The following SSU72 variants were observed in gnomAD, a reference collection of about 807,000 sequenced individuals.
SSU72 encodes the protein SSU72 homolog, RNA polymerase II CTD phosphatase.
In SSU72, 12 loss-of-function variants were observed where a neutral mutation model predicts 22.7. The ratio of observed to expected loss-of-function variants is 0.53; its 90% confidence interval spans 0.34 to 0.86. The LOEUF (loss-of-function observed/expected upper bound fraction) is 0.86. SSU72 is among the 40% of genes least tolerant of loss of function. The pLI, the probability that SSU72 is intolerant of heterozygous loss-of-function variation, is 0.02. For missense variants in SSU72, 151 were observed against 249.8 expected, an observed-to-expected ratio of 0.60 and a Z score of 2.67; for synonymous variants, 116 against 98.3, an observed-to-expected ratio of 1.18 and a Z score of -1.06.
chr1:1,541,899 T>C lies in SSU72; in HGVS notation c.*167A>G, dbSNP rs189662869. On this transcript the variant is annotated 3_prime_UTR_variant, in exon 5 of 5. Transcript: ENST00000291386. ...TAAAAGTGGAAAAGAAGAAACTTGA[T>C]TGCTTTCATCTGGCGTTTTGGCATC... 4 of 603,730 alleles carry C rather than the reference T, an allele frequency of 6.6e-6. No individual in the cohort carries two copies. Among genetic ancestry groups the C allele is most frequent in the Admixed American group, 6.2e-5 (2 of 32,396 alleles). 37.4% of individuals were successfully genotyped at this position (603,730 alleles called of 1,614,324 possible).
intron 4 of SSU72, among the ~76,000 whole-genome samples, chr1:1,543,274 C>T (rs2100702754): frequency 6.6e-6 from 1 of 152,350 alleles, no homozygotes; most frequent in South Asian, 2.1e-4. Flanking sequence ...CCTTGGCAGC[C>T]TCCAGGCTCA....
rs190655198 is a variant in SSU72 at position 1,569,152 on chromosome 1, C to T, written c.81-4236G>A. On this transcript the variant is annotated intron_variant, in intron 1 of 4. Transcript: ENST00000291386. ...TCTTGCCACTGCACTCCAGCCTGGG[C>T]GACAGAATGAGACTCCGTCTCAAAA... is the stretch of plus-strand genomic sequence containing the variant. Among the ~76,000 whole-genome samples the T allele has an allele frequency of 2.2e-3, 330 of 150,972 alleles. 2 individuals are homozygous for T. Among genetic ancestry groups the T allele is most frequent in the African/African-American group, 7.7e-3 (313 of 40,876 alleles).
intron 2 of SSU72, among the ~76,000 whole-genome samples, chr1:1,551,323 C>T (rs1239331552): frequency 6.6e-6 from 1 of 152,220 alleles, no homozygotes; most frequent in African/African-American, 2.4e-5. Context: ...TGGCCCACAG[C>T]TCTCCAGCCT....
intron 2 of SSU72, among the ~76,000 whole-genome samples, chr1:1,548,060 CAA>C (rs1471773207): frequency 6.6e-6 from 1 of 152,218 alleles, no homozygotes; most frequent in Non-Finnish European, 1.5e-5. Context: ...AAAAGTGGGC[CAA>C]GAGAGGGCCC....
rs187653040 is a variant in SSU72 at position 1,550,279 on chromosome 1, C to T, written c.225-5277G>A. The stretch of plus-strand genomic sequence containing the variant: ...AGCAGACAACCCCCGCCATCCTCCA[C>T]GCCAGCCCGGCTGGGGGTAGCTGGT... On this transcript the variant is annotated intron_variant, in intron 2 of 4. Transcript: ENST00000291386. Among the ~76,000 whole-genome samples, 379 of 152,258 alleles carry T rather than the reference C, an allele frequency of 2.5e-3. 4 individuals are homozygous for T. Among genetic ancestry groups the T allele is most frequent in the Non-Finnish European group, 4.0e-3 (269 of 68,014 alleles).
At chr1:1,574,415 C>CA in intron 1 of SSU72, 63 bp downstream of exon 1, 2 of 1,519,022 alleles carry the variant, frequency 1.3e-6, no homozygotes, top group Non-Finnish European at 1.8e-6. Flanking sequence ...CAGGGGGAAC[C>CA]GGGGAGGAGG....
chr1:1,550,322 C>T (rs1642441502), intron 2 of SSU72, among the ~76,000 whole-genome samples: 1 of 152,208 alleles, frequency 6.6e-6, no homozygotes, highest in Non-Finnish European at 1.5e-5. Flanking sequence ...AGGGGCCACC[C>T]TTCAGGGTTC....
chr1:1,555,629 C>T (rs112780033), intron 2 of SSU72, among the ~76,000 whole-genome samples: 1 of 152,226 alleles, frequency 6.6e-6, no homozygotes, highest in African/African-American at 2.4e-5. Flanking sequence ...CTCTGGGCTC[C>T]CGGGATGGAC....
At chr1:1,564,318 C>T (rs1642631504) in intron 2 of SSU72, 1 of 653,552 alleles carries the variant, frequency 1.5e-6, no homozygotes, top group African/African-American at 1.8e-5. Context: ...AAGCTCCGCC[C>T]TCTTCTTTAT....
chr1:1,552,332 T>G (rs956219549), intron 2 of SSU72, among the ~76,000 whole-genome samples: 5 of 152,224 alleles, frequency 3.3e-5, no homozygotes, highest in African/African-American at 1.2e-4. Flanking sequence ...CTGCACAGTT[T>G]CTGTGATCGT....
rs1319276242 is a variant in SSU72 at position 1,574,754 on chromosome 1, C to G, written c.-197G>C. On this transcript the variant is annotated 5_prime_UTR_variant, in exon 1 of 5. Transcript: ENST00000291386. The stretch of plus-strand genomic sequence containing the variant: ...CCGGGCCGCGGACGGAGCGCAGGCA[C>G]TGGCCTTCGGGCGCGCTGCACTCGG... 2 of 337,582 alleles carry G rather than the reference C, an allele frequency of 5.9e-6. No individual in the cohort carries two copies. The highest frequency in any genetic ancestry group is 5.1e-6 in the Non-Finnish European group (1 of 196,344). 20.9% of individuals were successfully genotyped at this position (337,582 alleles called of 1,614,324 possible). A position where few individuals can be genotyped will look rare whatever the true frequency, so the allele number is the denominator to read the frequency against.
In SSU72 at chr1:1,564,445, A is replaced by G. The variant is rs544392801; in HGVS notation, c.224+328T>C. On this transcript the variant is annotated intron_variant, in intron 2 of 4. Transcript: ENST00000291386. ...AAAGGAAATAACGGGGCAGCCCTGC[A>G]GTGTGAAAAGCAATGGGATTTTGTG... 108 of 1,463,278 alleles carry G rather than the reference A, an allele frequency of 7.4e-5. 1 individual carries two copies. Among genetic ancestry groups the G allele is most frequent in the African/African-American group, 1.6e-4 (11 of 70,642 alleles). 90.6% of individuals were successfully genotyped at this position (1,463,278 alleles called of 1,614,324 possible).
chr1:1,568,956 G>A (rs1261283884), intron 1 of SSU72, among the ~76,000 whole-genome samples: 1 of 152,078 alleles, frequency 6.6e-6, no homozygotes, highest in Non-Finnish European at 1.5e-5. Flanking sequence ...CAGATCACCT[G>A]AGGTCAGGAG....
intron 1 of SSU72, among the ~76,000 whole-genome samples, chr1:1,571,779 C>T (rs900054829): frequency 7.3e-6 from 1 of 137,216 alleles, no homozygotes; most frequent in Non-Finnish European, 1.5e-5. Flanking sequence ...ATTTTATTAA[C>T]AAGATAGCTA....
At chr1:1,572,250 AC>A (rs1193804220) in intron 1 of SSU72, among the ~76,000 whole-genome samples, 1 of 125,100 alleles carries the variant, frequency 8.0e-6, no homozygotes, top group Middle Eastern at 4.1e-3. Flanking sequence ...ACATGGTGAA[AC>A]CCCGTCTCTA....
At chr1:1,547,951 G>C (rs939212684) in intron 2 of SSU72, among the ~76,000 whole-genome samples, 2 of 152,214 alleles carry the variant, frequency 1.3e-5, no homozygotes, top group African/African-American at 4.8e-5. Context: ...CACAAAGAAA[G>C]AAACCAAAGA....
chr1:1,543,535 G>A (rs553082201), intron 4 of SSU72, among the ~76,000 whole-genome samples: 66 of 152,272 alleles, frequency 4.3e-4, no homozygotes, highest in Admixed American at 8.5e-4. Flanking sequence ...AGGCGCCCCC[G>A]ACACAGGCGA....
chr1:1,565,978 C>T (rs961965589), intron 1 of SSU72, among the ~76,000 whole-genome samples: 2 of 152,050 alleles, frequency 1.3e-5, no homozygotes, highest in South Asian at 2.1e-4. Context: ...ACTTTGGCAC[C>T]GAGTGCGGTG....
chr1:1,571,561 T>C (rs1642731667), intron 1 of SSU72, among the ~76,000 whole-genome samples: 1 of 152,144 alleles, frequency 6.6e-6, no homozygotes, highest in African/African-American at 2.4e-5. Flanking sequence ...AGTCTACTCT[T>C]TTATGAGTAA....
Sources: allele counts gnomAD v4.1 joint callset (sites outside exome capture counted in the v4.1 genomes callset), GRCh38; gene constraint gnomAD v4.1.1; transcripts MANE v1.5; gene names NCBI Gene and HGNC (gene_info 2026-07-23, HGNC 2026-07-21).